Variants in BDH1 observed in about 807,000 individuals in gnomAD.
The protein encoded by BDH1 is D-beta-hydroxybutyrate dehydrogenase, mitochondrial.
Under a neutral mutation model 33.1 loss-of-function variants are expected in BDH1, and 30 were observed. The ratio of observed to expected loss-of-function variants is 0.91; its 90% confidence interval spans 0.68 to 1.23. The LOEUF is 1.23. BDH1 is among the 50% of genes most tolerant of loss of function. The pLI is 0.00. For missense variants in BDH1, 443 were observed against 464.4 expected, an observed-to-expected ratio of 0.95 and a Z score of 0.42; for synonymous variants, 190 against 183.6, an observed-to-expected ratio of 1.03 and a Z score of -0.28.
chr3:197,527,522 C>T (rs531243011), intron 5 of BDH1, among the ~76,000 whole-genome samples: 20 of 152,292 alleles, frequency 1.3e-4, no homozygotes, highest in East Asian at 3.9e-4. Flanking sequence ...GCCCCCATTT[C>T]GCAGGGAGCC....
chr3:197,571,964 G>A (rs971053282), intron 1 of BDH1, among the ~76,000 whole-genome samples: 1 of 152,100 alleles, frequency 6.6e-6, no homozygotes, highest in African/African-American at 2.4e-5. Flanking sequence ...TGAACAGGTA[G>A]GCCTCCATAA....
chr3:197,511,452 C>T lies in BDH1; in HGVS notation c.*443G>A, dbSNP rs888794518. On this transcript the variant is annotated 3_prime_UTR_variant, in exon 8 of 8. Coordinates refer to ENST00000392379, the MANE Select transcript of BDH1 (RefSeq NM_203314.3). The stretch of plus-strand genomic sequence containing the variant: ...ATGTGAAGTATTTCCACAGCCGTGG[C>T]AGGAACACATAACTGGCACTATTTA... 1.2e-5 allele frequency: 2 copies of T among 169,102 alleles called. No homozygotes were observed. Among genetic ancestry groups the T allele is most frequent in the South Asian group, 1.9e-4 (1 of 5,236 alleles). 10.5% of individuals were successfully genotyped at this position (169,102 alleles called of 1,614,324 possible).
At position 197,512,246 on chromosome 3, in the gene BDH1, G is replaced by A; in HGVS notation, c.681C>T (p.Tyr227=). ...AFSDCLRYEM[Y]PLGVKVSVVE... is the part of the protein sequence containing the mutation. ...CCACGCTGACCTTCACGCCCAGGGG[G>A]TACATCTCATAGCGCAGGCAGTCCG... Residue 227 remains tyrosine, a synonymous_variant, in exon 8 of 8, where the codon TAC becomes TAT. Transcript: ENST00000392379. 6.2e-7 allele frequency: 1 copy of A among 1,613,542 alleles called. No individual in the cohort carries two copies. Among genetic ancestry groups the A allele is most frequent in the Non-Finnish European group, 8.5e-7 (1 of 1,180,034 alleles).
upstream of BDH1, among the ~76,000 whole-genome samples, chr3:197,558,110 A>T (rs1717136291): frequency 6.6e-6 from 1 of 152,266 alleles, no homozygotes; most frequent in Admixed American, 6.5e-5. Flanking sequence ...AGAAAAGGAC[A>T]TTTGACCTTT....
chr3:197,529,187 C>T (rs11925979), intron 5 of BDH1: 22,986 of 152,168 alleles, frequency 0.15, 2,049 homozygotes, highest in African/African-American at 0.23. Context: ...AAACCTAAAA[C>T]CTGCACACCT....
chr3:197,555,286 G>A (rs954772203), intron 1 of BDH1: 5 of 153,542 alleles, frequency 3.3e-5, no homozygotes, highest in African/African-American at 4.8e-5. Context: ...ACGGGACTGG[G>A]AGATTCGGTC....
At chr3:197,539,753 A>T (rs1390367028) in intron 3 of BDH1, among the ~76,000 whole-genome samples, 2 of 152,308 alleles carry the variant, frequency 1.3e-5, no homozygotes. Context: ...AGACAGCTTC[A>T]ATTTCCCATG....
exon 1 of BDH1, chr3:197,573,213 T>A (rs1024109784): frequency 6.6e-6 from 1 of 152,258 alleles, no homozygotes; most frequent in Non-Finnish European, 1.5e-5. Flanking sequence ...ACTATCAGCA[T>A]GCAGGATCCT....
At chr3:197,573,276 T>C (rs1014965894) in exon 1 of BDH1, 2 of 152,182 alleles carry the variant, frequency 1.3e-5, no homozygotes, top group African/African-American at 4.8e-5. Context: ...ACAGGGCGTA[T>C]TGACACCCCT....
Position 197,511,745 on chromosome 3 carries a change from T to G in BDH1, c.*150A>C. 1.3e-6 allele frequency: 1 copy of G among 745,416 alleles called. No individual in the cohort carries two copies. The highest frequency in any genetic ancestry group is 2.1e-6 in the Non-Finnish European group (1 of 476,698). The allele number at this position is 745,416 out of a possible 1,614,324, so 46.2% of individuals were successfully genotyped here. Reference sequence around the variant, plus strand: ...CCAAGTCACTCACTATGCAAAGAAGTCATTCCCTCTAGTTAGTGTTAAAAC... The same window carrying G: ...CCAAGTCACTCACTATGCAAAGAAGGCATTCCCTCTAGTTAGTGTTAAAAC... On this transcript the variant is annotated 3_prime_UTR_variant, in exon 8 of 8. Transcript: ENST00000392379.
chr3:197,530,328 A>T (rs1476684935), intron 5 of BDH1: 4 of 152,080 alleles, frequency 2.6e-5, no homozygotes, highest in African/African-American at 9.7e-5. Flanking sequence ...TTTTATTTAC[A>T]CTCTGATCTA....
chr3:197,569,246 GT>G (rs34469658), intron 1 of BDH1, among the ~76,000 whole-genome samples: 58,207 of 150,808 alleles, frequency 0.39, 12,339 homozygotes, highest in African/African-American at 0.56. Flanking sequence ...TTGGAGTACA[GT>G]TTTTTTTTTC....
At chr3:197,536,648 C>G (rs1275685175) in intron 3 of BDH1, among the ~76,000 whole-genome samples, 3 of 152,044 alleles carry the variant, frequency 2.0e-5, no homozygotes, top group Admixed American at 2.0e-4. Flanking sequence ...CAAGACCAGC[C>G]TGGCCGACAT....
intron 1 of BDH1, among the ~76,000 whole-genome samples, chr3:197,572,040 T>C (rs1318853841): frequency 1.3e-5 from 2 of 152,220 alleles, no homozygotes; most frequent in Non-Finnish European, 2.9e-5. Context: ...CAGTGCCCTA[T>C]ACAAAGGCTT....
At chr3:197,559,241 CT>C (rs1360888951), upstream of BDH1, among the ~76,000 whole-genome samples, 1 of 152,074 alleles carries the variant, frequency 6.6e-6, no homozygotes. Context: ...CTCAGATGAT[CT>C]GCCCACCTCA....
chr3:197,535,152 G>A (rs993207251), intron 3 of BDH1, among the ~76,000 whole-genome samples: 35 of 152,296 alleles, frequency 2.3e-4, no homozygotes, highest in African/African-American at 7.9e-4. Context: ...TACCTTGGGG[G>A]TTAGGATTTC....
At position 197,521,145 on chromosome 3, in the gene BDH1, C is replaced by T. The variant is rs1444201207; in HGVS notation, c.409+1495G>A. Reference sequence around the variant, plus strand: ...AAGTAGCTGCTCCTGAGAGCTGCCCCACCCCATTCTGAGGGAAAGCAGAGG... The same window carrying T: ...AAGTAGCTGCTCCTGAGAGCTGCCCTACCCCATTCTGAGGGAAAGCAGAGG... On this transcript the variant is annotated intron_variant, in intron 6 of 7. Transcript: ENST00000392379. This position sits in a 1 kb window ranked among gnomAD's most constrained non-coding sequence, Gnocchi z 4.9. 1.3e-5 allele frequency among the ~76,000 whole-genome samples: 2 copies of T among 152,204 alleles called. No homozygotes were observed. The highest frequency in any genetic ancestry group is 4.8e-5 in the African/African-American group (2 of 41,444).
rs1457973078 is a variant in BDH1 at position 197,532,649 on chromosome 3, T to C, written c.157-127A>G. ...TGGCCCAAGCCTGGCCCTCCCTACC[T>C]TGTTCTTGTTGTCTGGAGAAGCACC... On this transcript the variant is annotated intron_variant, in intron 4 of 7. Coordinates refer to ENST00000392379, the MANE Select transcript of BDH1 (RefSeq NM_203314.3). 13 of 651,070 alleles carry C rather than the reference T, an allele frequency of 2.0e-5. No individual in the cohort carries two copies. In the East Asian group the frequency reaches 3.3e-4, roughly 16 times the overall value. The allele number at this position is 651,070 out of a possible 1,614,324, so 40.3% of individuals were successfully genotyped here.
intron 1 of BDH1, among the ~76,000 whole-genome samples, chr3:197,564,976 G>A (rs1433841145): frequency 6.6e-6 from 1 of 152,186 alleles, no homozygotes. Context: ...AGGCTAGGGT[G>A]CAATGGTGCA....
Sources: gnomAD v4.1 joint callset for allele counts (sites outside exome capture counted in the v4.1 genomes callset) on GRCh38, gnomAD v4.1.1 for gene constraint, Gnocchi (gnomAD v3.1) non-coding constraint, MANE v1.5 for transcripts, NCBI Gene and HGNC (gene_info 2026-07-23, HGNC 2026-07-21) for gene names.